The following GALC variants were observed in gnomAD, a reference collection of about 807,000 sequenced individuals.
GALC encodes the protein galactosylceramidase.
A neutral mutation model predicts 91.8 loss-of-function variants in GALC; 77 were observed. The ratio of observed to expected loss-of-function variants is 0.84; its 90% CI spans 0.70 to 1.01. The LOEUF (loss-of-function observed/expected upper bound fraction) is 1.01, where lower values mean the gene tolerates loss of function less well. Among genes scored for constraint, GALC ranks in the 50% least tolerant of loss-of-function variants. The probability of loss-of-function intolerance (pLI) is 0.00; values close to 1 mark genes in which losing one functional copy is unlikely to be tolerated. For missense variants in GALC, 882 were observed against 855.9 expected (o/e 1.03, Z -0.38); for synonymous variants, 357 against 306.7 (o/e 1.16, Z -1.71).
intron 1 of GALC, among the ~76,000 whole-genome samples, chr14:87,990,593 C>T (rs1028387944): frequency 1.3e-5 from 2 of 152,184 alleles, no homozygotes; most frequent in Admixed American, 6.5e-5. Flanking sequence ...ACTAATATAT[C>T]CTTGACCCTA....
chr14:87,945,745 G>GT lies in GALC; in HGVS notation c.1490-13dup. On this transcript the variant is annotated splice_polypyrimidine_tract_variant and intron_variant, in intron 13 of 16. Coordinates refer to ENST00000261304, the MANE Select transcript of GALC (RefSeq NM_000153.4). ...AAAAAATGGGTAATCTGTTCAGAATGTAAGAAATTCTCTGTTTAGTATCAA... is the reference window on the plus strand; with the variant it reads ...AAAAAATGGGTAATCTGTTCAGAATGTTAAGAAATTCTCTGTTTAGTATCAA... 1.3e-6 allele frequency: 2 copies of GT among 1,598,698 alleles called. No individual in the cohort carries two copies. Among genetic ancestry groups the GT allele is most frequent in the Non-Finnish European group, 1.7e-6 (2 of 1,167,962 alleles).
At chr14:87,940,730 A>T (rs1018746125) in intron 15 of GALC, among the ~76,000 whole-genome samples, 1 of 151,930 alleles carries the variant, frequency 6.6e-6, no homozygotes, top group East Asian at 1.9e-4. Flanking sequence ...ACTATAAAAG[A>T]GATATTTTTA....
At position 87,934,078 on chromosome 14, in the gene GALC, C is replaced by T; in HGVS notation, c.*654G>A. On this transcript the variant is annotated 3_prime_UTR_variant, in exon 17 of 17. Transcript: ENST00000261304. ...CAAAAAAATTAAATAATGCAAATAACCCAATTAATCTGCTAATATCTATTA... is the reference window on the plus strand; with the variant it reads ...CAAAAAAATTAAATAATGCAAATAATCCAATTAATCTGCTAATATCTATTA... 2.0e-6 allele frequency: 3 copies of T among 1,524,756 alleles called. No individual in the cohort carries two copies. Among genetic ancestry groups the T allele is most frequent in the Non-Finnish European group, 2.6e-6 (3 of 1,138,658 alleles). 94.5% of individuals were successfully genotyped at this position (1,524,756 alleles called of 1,614,324 possible). A position where few individuals can be genotyped will look rare whatever the true frequency, so the allele number is the denominator to read the frequency against.
intron 10 of GALC, chr14:87,953,040 C>T (rs1009222688): frequency 1.5e-6 from 2 of 1,354,872 alleles, no homozygotes; most frequent in Non-Finnish European, 2.1e-6. Flanking sequence ...TAGTACTAAA[C>T]AAATTAATAT....
intron 6 of GALC, chr14:87,980,415 A>G (rs1201086809): frequency 2.9e-6 from 2 of 690,742 alleles, no homozygotes; most frequent in Non-Finnish European, 3.6e-6. Flanking sequence ...CAGTGAATAC[A>G]TTAGCTTACT....
intron 10 of GALC, among the ~76,000 whole-genome samples, chr14:87,959,904 GAATA>G (rs996918542): frequency 2.7e-4 from 41 of 151,914 alleles, no homozygotes; most frequent in Admixed American, 6.6e-5. Flanking sequence ...ATGAATGCAT[GAATA>G]AAGAAAATGT....
At chr14:87,948,263 T>C (rs114537719) in intron 12 of GALC, among the ~76,000 whole-genome samples, 8 of 152,182 alleles carry the variant, frequency 5.3e-5, no homozygotes, top group South Asian at 2.1e-4. Flanking sequence ...AAAAAATTCA[T>C]AAAATATCAC....
At chr14:87,976,306 C>T in intron 7 of GALC, 52 bp downstream of exon 7, 2 of 1,604,218 alleles carry the variant, frequency 1.2e-6, no homozygotes, top group Non-Finnish European at 1.7e-6. Context: ...ATAGTCAATA[C>T]ACAGAGCAAG....
rs745620101 is a variant in GALC, at chr14:87,984,523, C to T, written c.453G>A (p.Trp151Ter). ...CTTTTCCCAGCCATCCAGGGAATGA[C>T]CATGGCAACCCTGCAGAGAGAAGGG... ...NPNITLIGLP[W>*]SFPGWLGKGF... Residue 151 changes from tryptophan (W) to a stop codon, truncating the protein, a stop_gained, in exon 5 of 17, where the codon TGG becomes TGA. Coordinates refer to ENST00000261304, the MANE Select transcript of GALC (RefSeq NM_000153.4). LOFTEE classifies it high-confidence loss of function. 6.2e-7 allele frequency: 1 copy of T among 1,614,046 alleles called. No individual in the cohort carries two copies. Among genetic ancestry groups the T allele is most frequent in the Non-Finnish European group, 8.5e-7 (1 of 1,179,996 alleles).
chr14:87,988,649 G>T, intron 1 of GALC, 126 bp from the exon 2 acceptor site: 1 of 768,474 alleles, frequency 1.3e-6, no homozygotes, highest in East Asian at 2.5e-5. Flanking sequence ...CTGAGGAAAA[G>T]TTCCTCACAA....
chr14:87,975,574 G>A (rs1306352783), intron 7 of GALC, among the ~76,000 whole-genome samples: 5 of 151,956 alleles, frequency 3.3e-5, no homozygotes, highest in African/African-American at 9.7e-5. Context: ...GTAGATAGAC[G>A]CATGGATGAA....
At position 87,986,337 on chromosome 14, in the gene GALC, C is replaced by CCCCTG. The variant is rs1457130825; in HGVS notation, c.442+147_442+151dup. ...ATATACAAGGGCAAAGAAAGGATCA[C>CCCCTG]CCCTGGCACATGCTTTGCTGCTGGT... is the stretch of plus-strand genomic sequence containing the variant. On this transcript the variant is annotated intron_variant, in intron 4 of 16. Transcript: ENST00000261304. 4.4e-6 allele frequency: 3 copies of CCCCTG among 678,008 alleles called. No individual in the cohort carries two copies. The East Asian group carries it at 8.2e-5, about 19-fold the overall frequency. 42.0% of individuals were successfully genotyped at this position (678,008 alleles called of 1,614,324 possible). A position where few individuals can be genotyped will look rare whatever the true frequency, so the allele number is the denominator to read the frequency against.
Position 87,992,959 on chromosome 14 carries a change from T to C in GALC, c.195+11A>G, listed in dbSNP as rs771835399. The C allele has an allele frequency of 2.0e-6, 3 of 1,512,726 alleles. No homozygotes were observed. The Admixed American group carries it at 6.0e-5, about 30-fold the overall frequency. 93.7% of individuals were successfully genotyped at this position (1,512,726 alleles called of 1,614,324 possible). A position where few individuals can be genotyped will look rare whatever the true frequency, so the allele number is the denominator to read the frequency against. On this transcript the variant is annotated intron_variant, in intron 1 of 16. Transcript: ENST00000261304. ...GCCGCCCCCCGCGTATCCCCGCAGCTTGCCGCTCACCCCGCCGCCGCTGAC... is the reference window on the plus strand; with the variant it reads ...GCCGCCCCCCGCGTATCCCCGCAGCCTGCCGCTCACCCCGCCGCCGCTGAC...
rs201020355 is a variant in GALC at position 87,962,695 on chromosome 14, TC to T, written c.1161+688del. On this transcript the variant is annotated intron_variant, in intron 10 of 16. Coordinates refer to ENST00000261304, the MANE Select transcript of GALC (RefSeq NM_000153.4). ...CCCATGGGAACTTAGTTGCTAGAAA[TC>T]CTTCTTCACAAAGCCCTGCTGACTA... Among the ~76,000 whole-genome samples the T allele has an allele frequency of 6.6e-4, 101 of 152,036 alleles. 3 individuals are homozygous for T. In the East Asian group the frequency reaches 0.018, roughly 28 times the overall value.
At chr14:87,978,195 G>T (rs1886585846) in intron 6 of GALC, among the ~76,000 whole-genome samples, 1 of 152,166 alleles carries the variant, frequency 6.6e-6, no homozygotes, top group Non-Finnish European at 1.5e-5. Flanking sequence ...GGGATTACAG[G>T]CATGTGGCAC....
chr14:87,937,960 T>C (rs962085171), intron 16 of GALC, among the ~76,000 whole-genome samples: 3 of 151,810 alleles, frequency 2.0e-5, no homozygotes, highest in Admixed American at 1.3e-4. Flanking sequence ...CCTAAATTGA[T>C]GTGTAAATTT....
At chr14:87,969,208 G>A (rs1323169333) in intron 7 of GALC, among the ~76,000 whole-genome samples, 1 of 152,092 alleles carries the variant, frequency 6.6e-6, no homozygotes, top group African/African-American at 2.4e-5. Context: ...CGTCCCACCT[G>A]GGGTCAGGGA....
chr14:87,969,403 G>A (rs1276936190), intron 7 of GALC, among the ~76,000 whole-genome samples: 1 of 152,038 alleles, frequency 6.6e-6, no homozygotes, highest in Non-Finnish European at 1.5e-5. Context: ...GGAGTCAGTT[G>A]GTGGAAGTAT....
intron 7 of GALC, among the ~76,000 whole-genome samples, chr14:87,971,985 C>T (rs1004316555): frequency 2.0e-5 from 3 of 152,044 alleles, no homozygotes; most frequent in African/African-American, 7.2e-5. Context: ...CTAGAAAGTA[C>T]TGTAACTGTA....
Sources: allele counts gnomAD v4.1 joint callset (sites outside exome capture counted in the v4.1 genomes callset), GRCh38; gene constraint gnomAD v4.1.1; transcripts MANE v1.5; gene names NCBI Gene and HGNC (gene_info 2026-07-23, HGNC 2026-07-21).